FUT8: variants seen among roughly 807,000 people sequenced by gnomAD.
The protein encoded by FUT8 is alpha-(1,6)-fucosyltransferase.
In FUT8, 29 loss-of-function variants were observed where a neutral mutation model predicts 71.3. The observed-to-expected ratio is 0.41, with a 90% CI of 0.30 to 0.55. FUT8 has a LOEUF of 0.55. FUT8 is among the 20% of genes least tolerant of loss of function. The pLI, the probability that FUT8 is intolerant of heterozygous loss-of-function variation, is 0.34. For synonymous variants in FUT8, 254 were observed against 239.3 expected (o/e 1.06, Z -0.57); for missense variants, 544 against 702.1 (o/e 0.77, Z 2.55).
chr14:65,721,838 G>A lies in FUT8; in HGVS notation c.899G>A (p.Arg300His), dbSNP rs773558312. Residue 300 changes from arginine (R) to histidine (H), a missense_variant, in exon 8 of 11, where the codon CGT becomes CAT. Transcript: ENST00000673929. Reference protein sequence around the residue: ...ELPIVDSLHPRPPYLPLAVPE... With the variant: ...ELPIVDSLHPHPPYLPLAVPE... ...CCCATTGTAGACAGTCTTCATCCCCGTCCTCCATATTTACCCTTGGCTGTA... is the reference window on the plus strand; with the variant it reads ...CCCATTGTAGACAGTCTTCATCCCCATCCTCCATATTTACCCTTGGCTGTA... 4.3e-6 allele frequency: 7 copies of A among 1,614,072 alleles called. No individual in the cohort carries two copies. Among genetic ancestry groups the A allele is most frequent in the East Asian group, 4.5e-5 (2 of 44,874 alleles).
intron 6 of FUT8, among the ~76,000 whole-genome samples, chr14:65,656,671 T>A (rs1891697450): frequency 6.6e-6 from 1 of 151,874 alleles, no homozygotes; most frequent in African/African-American, 2.4e-5. Context: ...ACCAGAATAG[T>A]CAAAGCTATC....
intron 2 of FUT8, among the ~76,000 whole-genome samples, chr14:65,537,375 G>GATTATT (rs1259953784): frequency 6.6e-6 from 1 of 151,210 alleles, no homozygotes; most frequent in Non-Finnish European, 1.5e-5. Flanking sequence ...TTATTACTAT[G>GATTATT]ATTATTATTA....
In FUT8 at chr14:65,439,974, A is replaced by G. The variant is rs1051864916; in HGVS notation, c.-325-15647A>G. On this transcript the variant is annotated intron_variant, in intron 1 of 10. Transcript: ENST00000673929. ...TGTGTGTATATATATATATATATAT[A>G]TATATATATATATATATGTACACAC... Among the ~76,000 whole-genome samples, 30 of 136,458 alleles carry G rather than the reference A, an allele frequency of 2.2e-4. 4 individuals are homozygous for G. The highest frequency in any genetic ancestry group is 5.8e-4 in the Admixed American group (8 of 13,792). 89.5% of individuals were successfully genotyped at this position (136,458 alleles called of 152,430 possible). A position where few individuals can be genotyped will look rare whatever the true frequency, so the allele number is the denominator to read the frequency against.
In FUT8 at chr14:65,424,013, A is replaced by G. The variant is rs936623039; in HGVS notation, c.-326+10799A>G. 3.3e-5 allele frequency among the ~76,000 whole-genome samples: 5 copies of G among 152,192 alleles called. No homozygotes were observed. In the East Asian group the frequency reaches 9.6e-4, roughly 29 times the overall value. The stretch of plus-strand genomic sequence containing the variant: ...CCTCAATCTACAGTACGTATCAAGC[A>G]ATTCACCTTTTTCTTGTAATGCCAT... On this transcript the variant is annotated intron_variant, in intron 1 of 10. Coordinates refer to ENST00000673929, the MANE Select transcript of FUT8 (RefSeq NM_001371533.1).
At chr14:65,558,998 G>T (rs141061550) in intron 2 of FUT8, among the ~76,000 whole-genome samples, 117 of 152,096 alleles carry the variant, frequency 7.7e-4, no homozygotes, top group African/African-American at 2.6e-3. Context: ...TTTGGTAATG[G>T]TTTATAAAAA....
At chr14:65,468,256 C>A in intron 2 of FUT8, 1 of 624,182 alleles carries the variant, frequency 1.6e-6, no homozygotes, top group South Asian at 1.4e-5. Flanking sequence ...GATTCGCATA[C>A]ATGTGGCCAA....
chr14:65,602,389 A>T (rs2140173977), intron 3 of FUT8, among the ~76,000 whole-genome samples: 1 of 128,828 alleles, frequency 7.8e-6, no homozygotes, highest in South Asian at 2.6e-4. Flanking sequence ...ACACACACAC[A>T]CACACACACA....
At chr14:65,587,256 G>A (rs1006928372) in intron 3 of FUT8, among the ~76,000 whole-genome samples, 4 of 151,556 alleles carry the variant, frequency 2.6e-5, no homozygotes, top group African/African-American at 9.7e-5. Context: ...TTAGGAAAAC[G>A]TTATTCACTG....
chr14:65,633,412 C>T (rs1467860487), intron 6 of FUT8, among the ~76,000 whole-genome samples: 8 of 152,110 alleles, frequency 5.3e-5, no homozygotes, highest in South Asian at 2.1e-4. Flanking sequence ...CCCAAAGTGC[C>T]GAGATTGCAG....
intron 2 of FUT8, among the ~76,000 whole-genome samples, chr14:65,556,991 T>C (rs897843688): frequency 2.6e-5 from 4 of 152,212 alleles, no homozygotes; most frequent in Non-Finnish European, 1.5e-5. Flanking sequence ...ACCCATACTT[T>C]TAATTTCTAT....
In FUT8 at chr14:65,722,497, T is replaced by C. The variant is rs573730786; in HGVS notation, c.1082+476T>C. Among the ~76,000 whole-genome samples, 34 of 152,306 alleles carry C rather than the reference T, an allele frequency of 2.2e-4. No homozygotes were observed. The East Asian group carries it at 4.2e-3, about 19-fold the overall frequency. ...TTTCATATTTCCCACCCCACATCTT[T>C]CCTTGTGTCTTAGTCTTCATATGTA... On this transcript the variant is annotated intron_variant, in intron 8 of 10. Coordinates refer to ENST00000673929, the MANE Select transcript of FUT8 (RefSeq NM_001371533.1).
intron 6 of FUT8, among the ~76,000 whole-genome samples, chr14:65,644,844 C>T (rs1394570169): frequency 6.6e-6 from 1 of 152,062 alleles, no homozygotes; most frequent in African/African-American, 2.4e-5. Context: ...ACATGGATAA[C>T]TCATATGTGA....
At position 65,625,993 on chromosome 14, in the gene FUT8, G is replaced by C. The variant is rs551850312; in HGVS notation, c.483-3499G>C. Among the ~76,000 whole-genome samples, 17 of 152,132 alleles carry C rather than the reference G, an allele frequency of 1.1e-4. No homozygotes were observed. The South Asian group carries it at 3.5e-3, about 32-fold the overall frequency. On this transcript the variant is annotated intron_variant, in intron 5 of 10. Transcript: ENST00000673929. ...GTCACAAGCAAATCACAGTTGTTGAGGGCATATTTCACCATCTCTTAAGTG... is the reference window on the plus strand; with the variant it reads ...GTCACAAGCAAATCACAGTTGTTGACGGCATATTTCACCATCTCTTAAGTG...
intron 2 of FUT8, among the ~76,000 whole-genome samples, chr14:65,523,907 G>T (rs1334639623): frequency 6.6e-6 from 1 of 152,000 alleles, no homozygotes; most frequent in African/African-American, 2.4e-5. Flanking sequence ...ATTTCTGAGG[G>T]CTCTGTCCTG....
At chr14:65,374,219 G>C in the FUT8 span, among the ~76,000 whole-genome samples, 2 of 152,158 alleles carry the variant, frequency 1.3e-5, no homozygotes, top group Non-Finnish European at 2.9e-5. Flanking sequence ...TTTCTTTGCT[G>C]AGTTTGTTTT....
intron 6 of FUT8, among the ~76,000 whole-genome samples, chr14:65,655,032 G>A (rs1215677944): frequency 2.6e-5 from 4 of 151,880 alleles, no homozygotes; most frequent in East Asian, 1.9e-4. Context: ...GATTATAGGC[G>A]TGAGCCACTG....
At chr14:65,654,444 C>T (rs1011352778) in intron 6 of FUT8, among the ~76,000 whole-genome samples, 7 of 152,002 alleles carry the variant, frequency 4.6e-5, no homozygotes, top group East Asian at 1.9e-4. Context: ...AAAAATTAGC[C>T]GGGCATGGTG....
At position 65,489,349 on chromosome 14, in the gene FUT8, C is replaced by T. The variant is rs958314819; in HGVS notation, c.-228+33631C>T. Among the ~76,000 whole-genome samples, 3 of 152,144 alleles carry T rather than the reference C, an allele frequency of 2.0e-5. No individual in the cohort carries two copies. Among genetic ancestry groups the T allele is most frequent in the Non-Finnish European group, 4.4e-5 (3 of 68,014 alleles). On this transcript the variant is annotated intron_variant, in intron 2 of 10. Transcript: ENST00000673929. This position sits in a 1 kb window ranked among gnomAD's most constrained non-coding sequence, Gnocchi z 4.0. Reference sequence around the variant, plus strand: ...CTTTCTCTAATTTTCTGGGACGTATCTCTTTTAGTCTCCGTATATTAAATC... The same window carrying T: ...CTTTCTCTAATTTTCTGGGACGTATTTCTTTTAGTCTCCGTATATTAAATC...
chr14:65,561,809 C>G, intron 3 of FUT8, 43 bp downstream of exon 3: 10 of 1,537,920 alleles, frequency 6.5e-6, no homozygotes, highest in Non-Finnish European at 9.0e-6. Context: ...AAATATTGTA[C>G]TTTGTTTTTA....
Sources: gnomAD v4.1 joint callset for allele counts (sites outside exome capture counted in the v4.1 genomes callset) on GRCh38, gnomAD v4.1.1 for gene constraint, Gnocchi (gnomAD v3.1) non-coding constraint, MANE v1.5 for transcripts, NCBI Gene and HGNC (gene_info 2026-07-23, HGNC 2026-07-21) for gene names.